Variants in CFAP99 observed in about 807,000 individuals in gnomAD.
CFAP99 encodes the protein cilia- and flagella-associated protein 99.
Under a neutral mutation model 82.7 loss-of-function variants are expected in CFAP99, and 84 were observed. The ratio of observed to expected loss-of-function variants is 1.02; its 90% CI spans 0.85 to 1.22. The LOEUF (loss-of-function observed/expected upper bound fraction) is 1.22. CFAP99 is among the 50% of genes most tolerant of loss of function. The pLI, the probability that CFAP99 is intolerant of heterozygous loss-of-function variation, is 0.00. For synonymous variants in CFAP99, 456 were observed against 429.5 expected, an observed-to-expected ratio of 1.06 and a Z score of -0.76; for missense variants, 1,059 against 983.5, an observed-to-expected ratio of 1.08 and a Z score of -1.03.
chr4:2,443,289 C>A, intron 5 of CFAP99, 47 bp downstream of exon 5: 1 of 1,262,790 alleles, frequency 7.9e-7, no homozygotes, highest in South Asian at 1.3e-5. Context: ...CATCTGCACC[C>A]CATTCCAGGT....
intron 4 of CFAP99, among the ~76,000 whole-genome samples, chr4:2,439,138 C>T (rs1733982301): frequency 6.6e-6 from 1 of 152,262 alleles, no homozygotes; most frequent in South Asian, 2.1e-4. Flanking sequence ...TTCCCGGACA[C>T]TCATGGTGCT....
chr4:2,426,709 C>T (rs377444739), intron 2 of CFAP99, 123 bp downstream of exon 2: 4 of 679,532 alleles, frequency 5.9e-6, no homozygotes, highest in East Asian at 2.8e-5. Context: ...AGAAGCTGAC[C>T]GTGTTTTCCA....
chr4:2,426,726 C>A (rs970393163), intron 2 of CFAP99, 140 bp downstream of exon 2: 4 of 638,844 alleles, frequency 6.3e-6, no homozygotes, highest in South Asian at 1.8e-5. Context: ...TCCACAGAGA[C>A]CTGCTCTTCG....
intron 2 of CFAP99, among the ~76,000 whole-genome samples, chr4:2,435,061 C>T (rs1023757280): frequency 3.9e-5 from 6 of 152,018 alleles, no homozygotes; most frequent in African/African-American, 1.4e-4. Context: ...TTTGGGAGGT[C>T]GAGGCAGGCA....
chr4:2,434,923 G>A (rs535442832), intron 2 of CFAP99, among the ~76,000 whole-genome samples: 2 of 152,338 alleles, frequency 1.3e-5, no homozygotes, highest in African/African-American at 4.8e-5. Flanking sequence ...TCACATGTGT[G>A]GAAACTGAGG....
chr4:2,462,446 G>C lies in CFAP99; in HGVS notation c.1665G>C (p.Trp555Cys). The stretch of plus-strand genomic sequence containing the variant: ...AGCCCGCCGCGTCGCCCGCCAGGTG[G>C]GAGGAAAAGAAGGCCCTTGCGGCGG... Residue 555 changes from tryptophan to cysteine, a missense_variant, in exon 15 of 15, where the codon TGG becomes TGC. Coordinates refer to ENST00000635017, the Ensembl canonical transcript of CFAP99. This position sits in a 1 kb window ranked among gnomAD's most constrained non-coding sequence, Gnocchi z 4.1. 1 of 1,451,494 alleles carries C rather than the reference G, an allele frequency of 6.9e-7. No homozygotes were observed. Among genetic ancestry groups the C allele is most frequent in the Non-Finnish European group, 9.0e-7 (1 of 1,113,428 alleles). 89.9% of individuals were successfully genotyped at this position (1,451,494 alleles called of 1,614,324 possible).
At position 2,451,371 on chromosome 4, in the gene CFAP99, C is replaced by T. The variant is rs776447904; in HGVS notation, c.956+19C>T. The T allele has an allele frequency of 2.4e-4, 366 of 1,533,144 alleles. No individual in the cohort carries two copies. Among genetic ancestry groups the T allele is most frequent in the Non-Finnish European group, 3.1e-4 (353 of 1,145,472 alleles). 95.0% of individuals were successfully genotyped at this position (1,533,144 alleles called of 1,614,324 possible). On this transcript the variant is annotated intron_variant, in intron 10 of 14. Coordinates refer to ENST00000635017, the Ensembl canonical transcript of CFAP99. ...TGCAGAGGTGAAGGGCGGCAGGCCCCCCCACCTGCCTTCCACGGCATCACC... is the reference window on the plus strand; with the variant it reads ...TGCAGAGGTGAAGGGCGGCAGGCCCTCCCACCTGCCTTCCACGGCATCACC...
intron 14 of CFAP99, among the ~76,000 whole-genome samples, chr4:2,461,098 T>C (rs529772711): frequency 6.6e-6 from 1 of 152,290 alleles, no homozygotes; most frequent in East Asian, 1.9e-4. Context: ...TAGTTGAGGG[T>C]TGCAGATAGC....
At chr4:2,443,424 G>C (rs1012677680) in intron 5 of CFAP99, among the ~76,000 whole-genome samples, 182 bp downstream of exon 5, 7 of 152,244 alleles carry the variant, frequency 4.6e-5, no homozygotes, top group African/African-American at 1.7e-4. Context: ...TGGCCCCACA[G>C]CCTCGCGGGG....
At chr4:2,450,863 TG>T in intron 8 of CFAP99, 83 bp from the exon 9 acceptor site, 1 of 1,207,144 alleles carries the variant, frequency 8.3e-7, no homozygotes, top group Non-Finnish European at 1.2e-6. Context: ...CCCAGGGTGC[TG>T]GGCCAGCATC....
chr4:2,424,711 T>A (rs772434306), intron 1 of CFAP99, among the ~76,000 whole-genome samples: 8 of 152,196 alleles, frequency 5.3e-5, no homozygotes, highest in Non-Finnish European at 1.0e-4. Context: ...CATCGCAGCC[T>A]GGAAATTCCC....
At position 2,454,581 on chromosome 4, in the gene CFAP99, C is replaced by CTTTTTTTTTTTGTTTT. The variant is rs1734378524; in HGVS notation, c.1161+2246_1161+2247insGTTTTTTTTTTTTTTT. ...TTTTTCTTTTTTTGTTGTTTTTTTT[C>CTTTTTTTTTTTGTTTT]TTTTTTTTTTTTGTTTTTTTTTTTT... On this transcript the variant is annotated intron_variant, in intron 11 of 14. Transcript: ENST00000635017. 7.9e-3 allele frequency among the ~76,000 whole-genome samples: 743 copies of CTTTTTTTTTTTGTTTT among 94,490 alleles called. 2 individuals are homozygous for CTTTTTTTTTTTGTTTT. The highest frequency in any genetic ancestry group is 0.01 in the Non-Finnish European group (486 of 46,966). 62.0% of individuals were successfully genotyped at this position (94,490 alleles called of 152,430 possible). A position where few individuals can be genotyped will look rare whatever the true frequency, so the allele number is the denominator to read the frequency against.
chr4:2,458,345 G>A (rs151265009), intron 11 of CFAP99, among the ~76,000 whole-genome samples: 71 of 152,296 alleles, frequency 4.7e-4, no homozygotes, highest in South Asian at 6.2e-4. Context: ...ATATAGAACA[G>A]GGTATTCCAC....
chr4:2,422,539 G>C (rs1410098115), intron 1 of CFAP99, among the ~76,000 whole-genome samples: 1 of 152,154 alleles, frequency 6.6e-6, no homozygotes, highest in Non-Finnish European at 1.5e-5. Context: ...CCAGCTCCAG[G>C]ACAGGGGGAG....
At chr4:2,429,296 A>T (rs1023206895) in intron 2 of CFAP99, 5 of 149,378 alleles carry the variant, frequency 3.3e-5, no homozygotes, top group African/African-American at 1.2e-4. Flanking sequence ...GATAATAACC[A>T]TTACAAAAAA....
rs1734223078 is a variant in CFAP99, at chr4:2,448,621, G to A, written c.643-1049G>A. Among the ~76,000 whole-genome samples the A allele has an allele frequency of 6.6e-6, 1 of 152,250 alleles. No homozygotes were observed. The highest frequency in any genetic ancestry group is 1.5e-5 in the Non-Finnish European group (1 of 68,050). On this transcript the variant is annotated intron_variant, in intron 6 of 14. Transcript: ENST00000635017. The surrounding 1 kb of genome is among the most constrained non-coding windows in gnomAD (Gnocchi z 5.2). ...ACCAGAAGTGAGCAAGTCGGCCATG[G>A]GGTGTCTCAGAGAACAGCATCCTGG...
chr4:2,426,807 A>C, intron 2 of CFAP99: 1 of 545,726 alleles, frequency 1.8e-6, no homozygotes, highest in Non-Finnish European at 3.3e-6. Flanking sequence ...CTTGGCCGGG[A>C]CCCGGGATAT....
chr4:2,420,930 C>A (rs1733572101), intron 1 of CFAP99, among the ~76,000 whole-genome samples: 1 of 152,232 alleles, frequency 6.6e-6, no homozygotes, highest in South Asian at 2.1e-4. Flanking sequence ...CTTTCCACTT[C>A]TTGAAGGTGG....
At chr4:2,439,389 C>G (rs1462794156) in intron 4 of CFAP99, among the ~76,000 whole-genome samples, 1 of 152,164 alleles carries the variant, frequency 6.6e-6, no homozygotes, top group Non-Finnish European at 1.5e-5. Flanking sequence ...AGTGGGAAAG[C>G]CCCTGGGCCC....
Sources: gnomAD v4.1 joint callset for allele counts (sites outside exome capture counted in the v4.1 genomes callset) on GRCh38, gnomAD v4.1.1 for gene constraint, Gnocchi (gnomAD v3.1) non-coding constraint, MANE v1.5 for transcripts, NCBI Gene and HGNC (gene_info 2026-07-23, HGNC 2026-07-21) for gene names.